Variants in BCL2L14 observed in about 807,000 individuals in gnomAD.
BCL2L14 encodes BCL2 like 14, also known as apoptosis facilitator Bcl-2-like protein 14.
Under a neutral mutation model 35.3 loss-of-function variants are expected in BCL2L14, and 27 were observed. The ratio of observed to expected loss-of-function variants is 0.76; its 90% CI spans 0.56 to 1.05. BCL2L14 has a LOEUF of 1.05. BCL2L14 is among the 50% of genes least tolerant of loss of function. The pLI, the probability that BCL2L14 is intolerant of heterozygous loss-of-function variation, is 0.00. For synonymous variants in BCL2L14, 139 were observed against 145.9 expected, an observed-to-expected ratio of 0.95 and a Z score of 0.34; for missense variants, 377 against 382.6, an observed-to-expected ratio of 0.99 and a Z score of 0.12.
intron 5 of BCL2L14, chr12:12,095,572 G>A: frequency 2.0e-6 from 2 of 985,294 alleles, no homozygotes; most frequent in Non-Finnish European, 2.4e-6. Context: ...AGCTACATAA[G>A]GTCCACCGTG....
chr12:12,064,726 A>G (rs537265195), intron 2 of BCL2L14, among the ~76,000 whole-genome samples: 1 of 152,330 alleles, frequency 6.6e-6, no homozygotes, highest in South Asian at 2.1e-4. Flanking sequence ...AGCCAAATGC[A>G]AGGATAGAAC....
intron 3 of BCL2L14, among the ~76,000 whole-genome samples, chr12:12,090,135 C>T (rs1802729761): frequency 6.6e-6 from 1 of 152,154 alleles, no homozygotes; most frequent in African/African-American, 2.4e-5. Context: ...TAAATATCTT[C>T]ATAGACAGAA....
intron 4 of BCL2L14, among the ~76,000 whole-genome samples, chr12:12,093,497 A>G (rs1235074457): frequency 1.3e-5 from 2 of 152,132 alleles, no homozygotes; most frequent in Non-Finnish European, 2.9e-5. Context: ...GTTTCTTAAG[A>G]AAATGAAGGC....
intron 5 of BCL2L14, chr12:12,096,147 T>C (rs934931040): frequency 2.0e-6 from 2 of 984,918 alleles, no homozygotes; most frequent in African/African-American, 1.7e-5. Flanking sequence ...GTTTGCACCA[T>C]AATAATATAC....
rs1293295476 is a variant in BCL2L14 at position 12,076,185 on chromosome 12, GCA to G, written c.-7-3113_-7-3112del. Among the ~76,000 whole-genome samples, 15 of 125,298 alleles carry G rather than the reference GCA, an allele frequency of 1.2e-4. 1 individual carries two copies. The highest frequency in any genetic ancestry group is 3.6e-4 in the South Asian group (1 of 2,798). The allele number at this position is 125,298 out of a possible 152,430, so 82.2% of individuals were successfully genotyped here. Reference sequence around the variant, plus strand: ...GGGGAGGGTGGGATGCCCGGAAAATGCATGGGGGAGGGTGGGATGCCCGGAAA... The same window carrying G: ...GGGGAGGGTGGGATGCCCGGAAAATGTGGGGGAGGGTGGGATGCCCGGAAA... On this transcript the variant is annotated intron_variant, in intron 1 of 5. Transcript: ENST00000308721.
chr12:12,069,105 C>T (rs1262209894), upstream of BCL2L14, among the ~76,000 whole-genome samples: 3 of 152,138 alleles, frequency 2.0e-5, no homozygotes, highest in South Asian at 2.1e-4. Flanking sequence ...GCTGTGAGGA[C>T]GACCGGAGGT....
At chr12:12,096,153 T>C (rs1283142302) in intron 5 of BCL2L14, 1 of 984,524 alleles carries the variant, frequency 1.0e-6, no homozygotes, top group African/African-American at 1.7e-5. Context: ...ACCATAATAA[T>C]ATACAAAAGA....
Position 12,099,490 on chromosome 12 carries a change from A to T in BCL2L14, c.*502A>T, listed in dbSNP as rs1029965940. The T allele has an allele frequency of 6.5e-6, 1 of 152,676 alleles. No individual in the cohort carries two copies. Among genetic ancestry groups the T allele is most frequent in the African/African-American group, 2.4e-5 (1 of 41,454 alleles). 9.5% of individuals were successfully genotyped at this position (152,676 alleles called of 1,614,324 possible). Reference sequence around the variant, plus strand: ...AAGAAACTCTTAGGTTTACTGCTACATCCATTTGTTTGGAGAGGTAACTGT... The same window carrying T: ...AAGAAACTCTTAGGTTTACTGCTACTTCCATTTGTTTGGAGAGGTAACTGT... On this transcript the variant is annotated 3_prime_UTR_variant, in exon 6 of 6. Coordinates refer to ENST00000308721, the MANE Select transcript of BCL2L14 (RefSeq NM_138723.2).
intron 2 of BCL2L14, among the ~76,000 whole-genome samples, chr12:12,081,842 C>A (rs1948932159): frequency 1.3e-5 from 2 of 152,174 alleles, no homozygotes; most frequent in South Asian, 4.1e-4. Context: ...CAAGTGTGAG[C>A]CACTGCACCC....
At chr12:12,058,736 G>A (rs1485278239) in intron 2 of BCL2L14, among the ~76,000 whole-genome samples, 1 of 152,086 alleles carries the variant, frequency 6.6e-6, no homozygotes, top group African/African-American at 2.4e-5. Context: ...CAGCCATGTT[G>A]CTCACACAAA....
At chr12:12,087,119 T>C in intron 2 of BCL2L14, 94 bp from the exon 3 acceptor site, 1 of 1,345,064 alleles carries the variant, frequency 7.4e-7, no homozygotes, top group East Asian at 2.3e-5. Flanking sequence ...CCTTCTATTC[T>C]GGCCTGGTCT....
At chr12:12,079,129 T>C (rs1209670158) in intron 1 of BCL2L14, 170 bp from the exon 2 acceptor site, 2 of 619,260 alleles carry the variant, frequency 3.2e-6, no homozygotes, top group Non-Finnish European at 2.8e-6. Context: ...TCTATGGCCA[T>C]GTCTCTCTTC....
At chr12:12,077,552 AAAG>A (rs1948809812) in intron 1 of BCL2L14, among the ~76,000 whole-genome samples, 1 of 151,448 alleles carries the variant, frequency 6.6e-6, no homozygotes, top group Non-Finnish European at 1.5e-5. Context: ...AAAAAAAAAA[AAAG>A]AGAGCCTGGG....
chr12:12,095,292 A>G, intron 5 of BCL2L14: 1 of 985,412 alleles, frequency 1.0e-6, no homozygotes, highest in Non-Finnish European at 1.2e-6. Flanking sequence ...GGGCAGGCAG[A>G]CAGTTCCTCA....
At chr12:12,052,362 G>A (rs1454319687) in intron 2 of BCL2L14, among the ~76,000 whole-genome samples, 1 of 136,914 alleles carries the variant, frequency 7.3e-6, no homozygotes, top group Non-Finnish European at 1.7e-5. Context: ...AAACTGTGTA[G>A]CCTTTTCCCA....
In BCL2L14 at chr12:12,058,319, C is replaced by T. The variant is rs180806843; in HGVS notation, c.-272+6472C>T. On this transcript the variant is annotated intron_variant, in intron 2 of 3. Transcript: ENST00000461264. Reference sequence around the variant, plus strand: ...AGGCTAGAGTGCAGTGGCATGATGTCGGCTCACTGCAACCTCCGCTTCCCG... The same window carrying T: ...AGGCTAGAGTGCAGTGGCATGATGTTGGCTCACTGCAACCTCCGCTTCCCG... Among the ~76,000 whole-genome samples, 720 of 150,976 alleles carry T rather than the reference C, an allele frequency of 4.8e-3. 4 individuals carry two copies. Among genetic ancestry groups the T allele is most frequent in the Non-Finnish European group, 8.1e-3 (549 of 67,754 alleles).
In BCL2L14 at chr12:12,072,782, G is replaced by A. The variant is rs573436052; in HGVS notation, c.-8+1645G>A. On this transcript the variant is annotated intron_variant, in intron 1 of 5. Transcript: ENST00000308721. ...TAACCTGTGATAATACTCGATCGCT[G>A]CTGCTTGAAAGTAAGACTTAGCTAT... 7.2e-5 allele frequency among the ~76,000 whole-genome samples: 11 copies of A among 152,298 alleles called. No homozygotes were observed. In the South Asian group the frequency reaches 2.3e-3, roughly 32 times the overall value.
At chr12:12,083,685 C>G (rs980967959) in intron 2 of BCL2L14, among the ~76,000 whole-genome samples, 3 of 152,120 alleles carry the variant, frequency 2.0e-5, no homozygotes, top group African/African-American at 7.2e-5. Context: ...TGGCTCATGC[C>G]TATAATCCCA....
rs1948541549 is a variant in BCL2L14, at chr12:12,062,548, G to A, written c.-272+10701G>A. Among the ~76,000 whole-genome samples, 3 of 148,570 alleles carry A rather than the reference G, an allele frequency of 2.0e-5. No homozygotes were observed. The South Asian group carries it at 6.6e-4, about 32-fold the overall frequency. ...CTACTACTCCTCAGGGATTATTCAG[G>A]TCCCCTCCCTTCCCTACACATCAAG... On this transcript the variant is annotated intron_variant, in intron 2 of 3. Transcript: ENST00000461264.
Sources: allele counts gnomAD v4.1 joint callset (sites outside exome capture counted in the v4.1 genomes callset), GRCh38; gene constraint gnomAD v4.1.1; transcripts MANE v1.5; gene names NCBI Gene and HGNC (gene_info 2026-07-23, HGNC 2026-07-21).